Variants in ANKRD31 observed in about 807,000 individuals in gnomAD.
ANKRD31 encodes the protein ankyrin repeat domain 31, also known as ankyrin repeat domain-containing protein 31.
ANKRD31 carries 147 observed loss-of-function variants against 186.0 expected under a neutral mutation model. That is an observed-to-expected ratio of 0.79 (90% CI 0.69 to 0.91). The LOEUF (loss-of-function observed/expected upper bound fraction) is 0.91. Ranked by LOEUF, ANKRD31 falls within the 40% of genes least tolerant of loss-of-function variation. The pLI is 0.00. For missense variants in ANKRD31, 1,986 were observed against 2,148.8 expected, an observed-to-expected ratio of 0.92 and a Z score of 1.50; for synonymous variants, 673 against 736.4, an observed-to-expected ratio of 0.91 and a Z score of 1.39.
chr5:75,078,053 CT>C (rs1214679213), intron 25 of ANKRD31, among the ~76,000 whole-genome samples: 1 of 151,656 alleles, frequency 6.6e-6, no homozygotes. Flanking sequence ...CTTCTCTTTC[CT>C]TTCCTGTAGG....
At chr5:75,193,971 G>A in intron 7 of ANKRD31, among the ~76,000 whole-genome samples, 1 of 152,020 alleles carries the variant, frequency 6.6e-6, no homozygotes, top group Non-Finnish European at 1.5e-5. Flanking sequence ...TTCAGCCTAG[G>A]GTTTTATTAT....
intron 5 of ANKRD31, among the ~76,000 whole-genome samples, chr5:75,201,152 A>G (rs10074789): frequency 0.19 from 28,724 of 152,130 alleles, 3,050 homozygotes; most frequent in South Asian, 0.39. Context: ...GCTGAGCTTC[A>G]CATCCTAAAA....
chr5:75,202,245 T>C lies in ANKRD31; in HGVS notation c.404-2571A>G, dbSNP rs575947836. 1.1e-3 allele frequency among the ~76,000 whole-genome samples: 167 copies of C among 152,352 alleles called. 1 individual carries two copies. The highest frequency in any genetic ancestry group is 1.8e-3 in the Non-Finnish European group (120 of 68,032). On this transcript the variant is annotated intron_variant, in intron 5 of 25. Transcript: ENST00000506364. ...AATATTTTACAGAGTTGGACTCTTC[T>C]CGTTGACGAAATGATCATTCTTTTA...
intron 1 of ANKRD31, among the ~76,000 whole-genome samples, chr5:75,231,162 T>G (rs935930877): frequency 6.6e-6 from 1 of 152,126 alleles, no homozygotes; most frequent in African/African-American, 2.4e-5. Context: ...CTTCAAACTC[T>G]GGGCTCAAGA....
chr5:75,202,805 G>C (rs1374987481), intron 5 of ANKRD31, among the ~76,000 whole-genome samples: 1 of 152,206 alleles, frequency 6.6e-6, no homozygotes, highest in Admixed American at 6.5e-5. Context: ...TGAATACTCT[G>C]AAAGGAGTAA....
Position 75,068,577 on chromosome 5 carries a change from C to A in ANKRD31, c.5735G>T (p.Cys1912Phe), listed in dbSNP as rs1743948944. 3 of 1,527,546 alleles carry A rather than the reference C, an allele frequency of 2.0e-6. No homozygotes were observed. The highest frequency in any genetic ancestry group is 4.0e-5 in the Admixed American group (2 of 49,748). The allele number at this position is 1,527,546 out of a possible 1,614,324, so 94.6% of individuals were successfully genotyped here. Reference sequence around the variant, plus strand: ...CTTCCAATGCTGATCCATTATGTGGCATGGGAGAAATTCTTGATCACTGAT... The same window carrying A: ...CTTCCAATGCTGATCCATTATGTGGAATGGGAGAAATTCTTGATCACTGAT... ...LLISDQEFLP[C>F]HIMDQHWKFC... The change falls in exon 26 of 26, where the codon TGC becomes TTC. Residue 1912 changes from cysteine (C) to phenylalanine (F), a missense_variant. By Grantham distance (205) the Cys-to-Phe change is radical. Coordinates refer to ENST00000506364, the MANE Select transcript of ANKRD31 (RefSeq NM_001372053.1).
chr5:75,084,452 A>AT, intron 23 of ANKRD31, 78 bp from the exon 24 acceptor site: 1 of 1,127,754 alleles, frequency 8.9e-7, no homozygotes, highest in South Asian at 1.3e-5. Context: ...GAACATTGTA[A>AT]TTTTTATAAG....
Position 75,146,926 on chromosome 5 carries a change from C to T in ANKRD31, c.2485G>A (p.Val829Ile), listed in dbSNP as rs751586560. 16 of 1,536,238 alleles carry T rather than the reference C, an allele frequency of 1.0e-5. No homozygotes were observed. The change falls in exon 14 of 26, where the codon GTT (valine) becomes ATT (isoleucine). Residue 829 changes from valine to isoleucine, a missense_variant. Coordinates refer to ENST00000506364, the MANE Select transcript of ANKRD31 (RefSeq NM_001372053.1). ...QEVQCLELESVDQTEAVSFPG... is the reference protein window; with the variant it reads ...QEVQCLELESIDQTEAVSFPG... The stretch of plus-strand genomic sequence containing the variant: ...AAAGAAACAGCTTCAGTTTGGTCAA[C>T]AGATTCTAATTCCAAGCATTGAACT...
At position 75,147,320 on chromosome 5, in the gene ANKRD31, T is replaced by C. The variant is rs1322140445; in HGVS notation, c.2091A>G (p.Lys697=). 6.5e-7 allele frequency: 1 copy of C among 1,534,150 alleles called. No individual in the cohort carries two copies. The highest frequency in any genetic ancestry group is 2.4e-5 in the East Asian group (1 of 40,872). ...AGTATATCTGGTCAAGAGTTGATTG[T>C]TTATGCTTGGATTTACCAAATTTTG... ...KNTKFGKSKH[K]QSTLDQIYST... The change falls in exon 14 of 26, where the codon AAA becomes AAG. Residue 697 remains lysine (K), a synonymous_variant. Coordinates refer to ENST00000506364, the MANE Select transcript of ANKRD31 (RefSeq NM_001372053.1).
chr5:75,221,431 A>G (rs532207545), intron 3 of ANKRD31, among the ~76,000 whole-genome samples: 2 of 152,346 alleles, frequency 1.3e-5, no homozygotes, highest in East Asian at 3.9e-4. Flanking sequence ...TCAGTGGCCT[A>G]TATCTCAAAT....
At chr5:75,079,299 C>T (rs1744902878) in intron 25 of ANKRD31, among the ~76,000 whole-genome samples, 2 of 152,148 alleles carry the variant, frequency 1.3e-5, no homozygotes. Context: ...GATATTGAGG[C>T]TTCTGCTATT....
At chr5:75,135,869 T>C (rs1411681552) in intron 17 of ANKRD31, among the ~76,000 whole-genome samples, 1 of 152,166 alleles carries the variant, frequency 6.6e-6, no homozygotes, top group Non-Finnish European at 1.5e-5. Flanking sequence ...ACCACACATC[T>C]ACAATGATCT....
intron 11 of ANKRD31, among the ~76,000 whole-genome samples, chr5:75,157,037 G>A (rs568679062): frequency 5.9e-5 from 9 of 152,304 alleles, no homozygotes; most frequent in African/African-American, 2.2e-4. Context: ...GAACTGGAAA[G>A]CCTGGATTGT....
intron 17 of ANKRD31, among the ~76,000 whole-genome samples, chr5:75,131,987 T>G (rs1184370556): frequency 6.6e-6 from 1 of 152,138 alleles, no homozygotes; most frequent in Non-Finnish European, 1.5e-5. Context: ...AGCAAGGACA[T>G]CCACACCAAA....
At chr5:75,069,638 G>A (rs866104931) in intron 25 of ANKRD31, among the ~76,000 whole-genome samples, 11 of 151,584 alleles carry the variant, frequency 7.3e-5, no homozygotes, top group Non-Finnish European at 1.2e-4. Context: ...CTCTGCCTCC[G>A]AGGTTCAAGT....
intron 15 of ANKRD31, 61 bp downstream of exon 15, chr5:75,143,940 A>G: frequency 2.5e-6 from 1 of 395,908 alleles, no homozygotes; most frequent in Non-Finnish European, 4.5e-6. Flanking sequence ...TCCTTGAAGT[A>G]GAGTGAATTG....
In ANKRD31 at chr5:75,146,803, AT is replaced by A; in HGVS notation, c.2607del (p.Lys869AsnfsTer26). 1 of 1,536,136 alleles carries A rather than the reference AT, an allele frequency of 6.5e-7. No individual in the cohort carries two copies. Among genetic ancestry groups the A allele is most frequent in the Non-Finnish European group, 8.7e-7 (1 of 1,146,218 alleles). On this transcript the variant is annotated frameshift_variant, in exon 14 of 26. Transcript: ENST00000506364. LOFTEE classifies it high-confidence loss of function. ...TLQEQHHVLY[K>X]SHENSNLVPK... is the part of the protein sequence containing the mutation. ...GGGACCAAGTTACTGTTTTCATGAG[AT>A]TTATAAAGTACATGGTGTTGTTCCT... is the stretch of plus-strand genomic sequence containing the variant.
At chr5:75,128,563 G>A (rs1469160933) in intron 17 of ANKRD31, among the ~76,000 whole-genome samples, 3 of 151,474 alleles carry the variant, frequency 2.0e-5, no homozygotes, top group African/African-American at 7.3e-5. Context: ...GGAGTGCAGT[G>A]GTACGATCTT....
intron 3 of ANKRD31, among the ~76,000 whole-genome samples, chr5:75,218,816 T>C (rs1040905732): frequency 3.9e-5 from 6 of 152,082 alleles, no homozygotes; most frequent in African/African-American, 1.4e-4. Flanking sequence ...ATGTGATTCA[T>C]CAAACATATT....
Sources: gnomAD v4.1 joint callset for allele counts (sites outside exome capture counted in the v4.1 genomes callset) on GRCh38, gnomAD v4.1.1 for gene constraint, MANE v1.5 for transcripts, NCBI Gene and HGNC (gene_info 2026-07-23, HGNC 2026-07-21) for gene names.